Variants in DOCK7 observed in about 807,000 individuals in gnomAD.
The protein encoded by DOCK7 is dedicator of cytokinesis protein 7.
DOCK7 carries 138 observed loss-of-function variants against 271.0 expected under a neutral mutation model. That is an observed-to-expected ratio of 0.51 (90% CI 0.44 to 0.59). DOCK7 has a LOEUF of 0.59. DOCK7 is among the 20% of genes least tolerant of loss of function. The pLI is 0.00. For missense variants in DOCK7, 2,066 were observed against 2,592.4 expected, an observed-to-expected ratio of 0.80 and a Z score of 4.41; for synonymous variants, 823 against 876.1, an observed-to-expected ratio of 0.94 and a Z score of 1.07.
At chr1:62,685,505 C>A (rs772436332) in intron 1 of DOCK7, among the ~76,000 whole-genome samples, 2 of 152,128 alleles carry the variant, frequency 1.3e-5, no homozygotes, top group Non-Finnish European at 1.5e-5. Context: ...TAAGTCTGCA[C>A]ATTCTCACTG....
intron 44 of DOCK7, 42 bp from the exon 45 acceptor site, chr1:62,476,198 G>T: frequency 6.4e-7 from 1 of 1,555,808 alleles, no homozygotes; most frequent in Non-Finnish European, 8.8e-7. Context: ...AAGTTAAAAA[G>T]ACTGCGAAAT....
At chr1:62,532,686 T>C (rs1297679688) in intron 29 of DOCK7, among the ~76,000 whole-genome samples, 1 of 152,164 alleles carries the variant, frequency 6.6e-6, no homozygotes, top group African/African-American at 2.4e-5. Flanking sequence ...ACTGAGAAGA[T>C]GCTGTTTGAA....
At chr1:62,498,797 C>T (rs930049790) in intron 37 of DOCK7, among the ~76,000 whole-genome samples, 1 of 151,578 alleles carries the variant, frequency 6.6e-6, no homozygotes, top group African/African-American at 2.4e-5. Context: ...TTTAAATTAC[C>T]CATTTCTTTC....
At chr1:62,652,238 T>C (rs182835913) in intron 4 of DOCK7, among the ~76,000 whole-genome samples, 7 of 152,336 alleles carry the variant, frequency 4.6e-5, no homozygotes, top group Admixed American at 3.3e-4. Context: ...CTTTTGCATG[T>C]ATCTTCTCCT....
intron 22 of DOCK7, among the ~76,000 whole-genome samples, chr1:62,552,412 CA>C (rs1645938065): frequency 6.6e-6 from 1 of 152,200 alleles, no homozygotes; most frequent in Admixed American, 6.5e-5. Context: ...TTCTACATAT[CA>C]GTCACAGATT....
At position 62,535,260 on chromosome 1, in the gene DOCK7, GCCA is replaced by G. The variant is rs760328573; in HGVS notation, c.3611+230_3611+232del. On this transcript the variant is annotated intron_variant, in intron 29 of 49. Coordinates refer to ENST00000635253, the MANE Select transcript of DOCK7 (RefSeq NM_001367561.1). ...AACACTACTAAATGAATTATGATAC[GCCA>G]CCAATTTTAAGACAAATCCCAAATT... Among the ~76,000 whole-genome samples the G allele has an allele frequency of 5.3e-5, 8 of 151,954 alleles. No individual in the cohort carries two copies. In the East Asian group the frequency reaches 1.5e-3, roughly 29 times the overall value.
In DOCK7 at chr1:62,604,770, T is replaced by A. The variant is rs771131159; in HGVS notation, c.1682+13936A>T. ...AAATGGAAGGTTATACTCTATAAAA[T>A]CAACCAAAATGTTGATCCATCCAAC... On this transcript the variant is annotated intron_variant, in intron 14 of 49. Transcript: ENST00000635253. 1.9e-6 allele frequency: 3 copies of A among 1,612,956 alleles called. No homozygotes were observed. In the Admixed American group the frequency reaches 5.0e-5, roughly 27 times the overall value.
intron 12 of DOCK7, among the ~76,000 whole-genome samples, chr1:62,622,258 A>T (rs1276785284): frequency 1.3e-5 from 2 of 152,184 alleles, no homozygotes; most frequent in Non-Finnish European, 2.9e-5. Flanking sequence ...CAAACTTGTG[A>T]ATGAGCCTAG....
chr1:62,461,839 A>C (rs139581175), intron 48 of DOCK7, among the ~76,000 whole-genome samples: 5,689 of 151,278 alleles, frequency 0.038, 257 homozygotes, highest in African/African-American at 0.11. Flanking sequence ...TGGGAGGCAG[A>C]GGCGGGCGGA....
intron 25 of DOCK7, 90 bp from the exon 26 acceptor site, chr1:62,539,982 C>T (rs1645474325): frequency 2.3e-6 from 2 of 860,394 alleles, no homozygotes. Context: ...TAAAATATGG[C>T]ATGTAATTTA....
chr1:62,635,563 A>G (rs561092725), intron 8 of DOCK7: 2 of 152,196 alleles, frequency 1.3e-5, no homozygotes, highest in Non-Finnish European at 2.9e-5. Context: ...ACCTCTAATA[A>G]AGTATACAAA....
chr1:62,662,999 G>T (rs771586616), intron 2 of DOCK7, 26 bp downstream of exon 2: 2 of 1,554,906 alleles, frequency 1.3e-6, no homozygotes, highest in Non-Finnish European at 1.8e-6. Context: ...ACCAAGAAGA[G>T]ACTATATTTT....
At chr1:62,455,940 TAA>T (rs138975707) in intron 49 of DOCK7, among the ~76,000 whole-genome samples, 5,631 of 152,248 alleles carry the variant, frequency 0.037, 249 homozygotes, top group African/African-American at 0.11. Flanking sequence ...AAGAACATCT[TAA>T]GTTACTATAA....
At chr1:62,672,707 C>A (rs994738235) in intron 1 of DOCK7, among the ~76,000 whole-genome samples, 2 of 151,976 alleles carry the variant, frequency 1.3e-5, no homozygotes, top group African/African-American at 4.8e-5. Context: ...TTCTCTGCAG[C>A]AACATTATTT....
At position 62,558,991 on chromosome 1, in the gene DOCK7, A is replaced by G. The variant is rs975453329; in HGVS notation, c.2429T>C (p.Ile810Thr). Residue 810 changes from isoleucine (I) to threonine (T), a missense_variant and splice_region_variant, in exon 20 of 50, where the codon ATA becomes ACA. Ile to Thr is a moderately conservative substitution (Grantham distance 89). Coordinates refer to ENST00000635253, the MANE Select transcript of DOCK7 (RefSeq NM_001367561.1). Reference protein sequence around the residue: ...VIRPPVIAGQIVNLGQASFEA... With the variant: ...VIRPPVIAGQTVNLGQASFEA... ...ATCCCCAAACAAAAGTAAATTACCTATTTGGCCAGCAATGACAGGAGGTCT... is the reference window on the plus strand; with the variant it reads ...ATCCCCAAACAAAAGTAAATTACCTGTTTGGCCAGCAATGACAGGAGGTCT... The G allele has an allele frequency of 6.2e-7, 1 of 1,606,078 alleles. No homozygotes were observed. The highest frequency in any genetic ancestry group is 2.2e-5 in the East Asian group (1 of 44,708).
chr1:62,646,999 C>CAT (rs373096102), intron 7 of DOCK7, among the ~76,000 whole-genome samples: 78 of 152,314 alleles, frequency 5.1e-4, no homozygotes, highest in African/African-American at 1.4e-3. Context: ...ATCTATCTAA[C>CAT]ATGTTTCTGA....
intron 14 of DOCK7, among the ~76,000 whole-genome samples, chr1:62,596,940 G>C (rs1649343614): frequency 6.6e-6 from 1 of 151,976 alleles, no homozygotes; most frequent in South Asian, 2.1e-4. Context: ...GGATGGTTAA[G>C]ACATATAAGG....
intron 1 of DOCK7, among the ~76,000 whole-genome samples, chr1:62,670,955 T>G (rs1344274882): frequency 6.6e-6 from 1 of 151,900 alleles, no homozygotes. Flanking sequence ...GCTGTAACAC[T>G]CCCCGCGAAG....
chr1:62,507,099 G>A (rs574677670), intron 35 of DOCK7, among the ~76,000 whole-genome samples: 4 of 151,956 alleles, frequency 2.6e-5, no homozygotes, highest in East Asian at 2.0e-4. Context: ...ATGAGCCACC[G>A]TGCCCAGCCA....
Sources: allele counts gnomAD v4.1 joint callset (sites outside exome capture counted in the v4.1 genomes callset), GRCh38; gene constraint gnomAD v4.1.1; transcripts MANE v1.5; gene names NCBI Gene and HGNC (gene_info 2026-07-23, HGNC 2026-07-21).